The following DDX10 variants were observed in gnomAD, a reference collection of about 807,000 sequenced individuals.
DDX10 encodes the protein probable ATP-dependent RNA helicase DDX10.
Under a neutral mutation model 104.3 loss-of-function variants are expected in DDX10, and 74 were observed. That is an observed-to-expected ratio of 0.71 (90% confidence interval 0.59 to 0.86). The LOEUF (loss-of-function observed/expected upper bound fraction) is 0.86. DDX10 is among the 40% of genes least tolerant of loss of function. The pLI is 0.00. For missense variants in DDX10, 952 were observed against 1,040.0 expected (o/e 0.92, Z 1.16); for synonymous variants, 351 against 353.4 (o/e 0.99, Z 0.08).
rs149951065 is a variant in DDX10, at chr11:108,831,975, G to A, written c.1966-6471G>A. Among the ~76,000 whole-genome samples, 125 of 152,108 alleles carry A rather than the reference G, an allele frequency of 8.2e-4. 1 individual carries two copies. The highest frequency in any genetic ancestry group is 3.4e-3 in the Middle Eastern group (1 of 294). ...TTTAGCTTTTTAAAGTCTAGCATAC[G>A]TGTTGTAGAAGAGGTGCAAATAGAA... On this transcript the variant is annotated intron_variant, in intron 13 of 17. Coordinates refer to ENST00000322536, the MANE Select transcript of DDX10 (RefSeq NM_004398.4).
At chr11:108,759,274 C>T (rs1028467354) in intron 13 of DDX10, among the ~76,000 whole-genome samples, 2 of 151,850 alleles carry the variant, frequency 1.3e-5, no homozygotes, top group Admixed American at 1.3e-4. Context: ...TGTCATATAC[C>T]TATATGACCA....
chr11:108,809,714 T>G (rs2134566625), intron 13 of DDX10, among the ~76,000 whole-genome samples: 1 of 152,318 alleles, frequency 6.6e-6, no homozygotes, highest in South Asian at 2.1e-4. Flanking sequence ...CTAATGCATG[T>G]ATCCTCCACA....
intron 13 of DDX10, among the ~76,000 whole-genome samples, chr11:108,749,180 G>A (rs2094335436): frequency 6.6e-6 from 1 of 151,958 alleles, no homozygotes; most frequent in African/African-American, 2.4e-5. Flanking sequence ...GATTACAGGC[G>A]TGAATCATCG....
intron 16 of DDX10, among the ~76,000 whole-genome samples, chr11:108,881,612 A>C (rs1435558116): frequency 6.6e-6 from 1 of 152,162 alleles, no homozygotes; most frequent in Non-Finnish European, 1.5e-5. Flanking sequence ...TTCAGTATTC[A>C]GTGAATTACA....
rs542223059 is a variant in DDX10, at chr11:108,870,288, C to T, written c.2304+18079C>T. Among the ~76,000 whole-genome samples the T allele has an allele frequency of 6.6e-5, 10 of 152,230 alleles. No homozygotes were observed. The South Asian group carries it at 2.1e-3, about 32-fold the overall frequency. The stretch of plus-strand genomic sequence containing the variant: ...AGTCTGCTAGTCTTCTTTCTCTTAT[C>T]CTCCCACTCTTCTATCCCCAGTTTA... On this transcript the variant is annotated intron_variant, in intron 16 of 17. Coordinates refer to ENST00000322536, the MANE Select transcript of DDX10 (RefSeq NM_004398.4).
At chr11:108,849,023 T>C (rs1862757325) in intron 15 of DDX10, among the ~76,000 whole-genome samples, 1 of 152,180 alleles carries the variant, frequency 6.6e-6, no homozygotes, top group Non-Finnish European at 1.5e-5. Context: ...CTTGTTATAG[T>C]TGTTACAGAT....
At chr11:108,673,119 A>G (rs1168981677) in intron 1 of DDX10, among the ~76,000 whole-genome samples, 2 of 152,196 alleles carry the variant, frequency 1.3e-5, no homozygotes, top group African/African-American at 2.4e-5. Flanking sequence ...TTAAATTGAG[A>G]TCCCTTGAAG....
At chr11:108,711,538 G>C (rs999938351) in intron 10 of DDX10, among the ~76,000 whole-genome samples, 1 of 152,144 alleles carries the variant, frequency 6.6e-6, no homozygotes, top group African/African-American at 2.4e-5. Flanking sequence ...TCGCCATGTT[G>C]GCCAGGCTGG....
At chr11:108,678,463 A>G (rs1331325453) in intron 5 of DDX10, 28 bp downstream of exon 5, 1 of 1,556,966 alleles carries the variant, frequency 6.4e-7, no homozygotes, top group Middle Eastern at 1.7e-4. Context: ...CTAATTTAAA[A>G]AAAAAAAAAG....
At chr11:108,818,625 TTTCA>T (rs1862285622) in intron 13 of DDX10, among the ~76,000 whole-genome samples, 1 of 152,214 alleles carries the variant, frequency 6.6e-6, no homozygotes. Context: ...TTATTTAATG[TTTCA>T]TTTATTAGTG....
At chr11:108,683,058 T>C (rs1399608027) in intron 6 of DDX10, among the ~76,000 whole-genome samples, 1 of 152,180 alleles carries the variant, frequency 6.6e-6, no homozygotes, top group African/African-American at 2.4e-5. Flanking sequence ...TCTGGGGTTA[T>C]CCTATTTCTG....
intron 1 of DDX10, among the ~76,000 whole-genome samples, chr11:108,671,891 C>T (rs1356363429): frequency 6.6e-6 from 1 of 151,830 alleles, no homozygotes; most frequent in African/African-American, 2.4e-5. Flanking sequence ...AACCCCGTCT[C>T]TACTAAAAAT....
chr11:108,841,461 T>C lies in DDX10; in HGVS notation c.2232T>C (p.Ile744=). The C allele has an allele frequency of 6.2e-7, 1 of 1,613,758 alleles. No individual in the cohort carries two copies. The highest frequency in any genetic ancestry group is 8.5e-7 in the Non-Finnish European group (1 of 1,179,788). Residue 744 remains isoleucine (I), a synonymous_variant, in exon 15 of 18, where the codon ATT becomes ATC. Transcript: ENST00000322536. ...ACAAAGAAGAATATAGGAAAAAAATTAAGGCAAAGCATCGGGTAAGCTTTC... is the reference window on the plus strand; with the variant it reads ...ACAAAGAAGAATATAGGAAAAAAATCAAGGCAAAGCATCGGGTAAGCTTTC... ...KFDKEEYRKK[I]KAKHREKRLK...
In DDX10 at chr11:108,679,382, G is replaced by A. The variant is rs1275700749; in HGVS notation, c.670G>A (p.Ala224Thr). 9 of 1,593,840 alleles carry A rather than the reference G, an allele frequency of 5.6e-6. No individual in the cohort carries two copies. The highest frequency in any genetic ancestry group is 2.7e-5 in the African/African-American group (2 of 73,450). The part of the protein sequence containing the change: ...TDLQMLVLDE[A>T]DRILDMGFAD... ...TTTTCCTTTTTCAGTTCTTGATGAAGCAGATAGAATCTTGGATATGGGCTT... is the reference window on the plus strand; with the variant it reads ...TTTTCCTTTTTCAGTTCTTGATGAAACAGATAGAATCTTGGATATGGGCTT... Residue 224 changes from alanine to threonine, a missense_variant, in exon 6 of 18, where the codon GCA becomes ACA. Physicochemically the swap from Ala to Thr is moderately conservative, Grantham distance 58 (BLOSUM62 0). Coordinates refer to ENST00000322536, the MANE Select transcript of DDX10 (RefSeq NM_004398.4).
intron 16 of DDX10, among the ~76,000 whole-genome samples, chr11:108,893,749 T>C (rs1863405691): frequency 6.6e-6 from 1 of 152,072 alleles, no homozygotes. Flanking sequence ...ATGGAAATTC[T>C]TTTTGTCAGT....
At chr11:108,884,494 A>T (rs1050805443) in intron 16 of DDX10, among the ~76,000 whole-genome samples, 14 of 151,974 alleles carry the variant, frequency 9.2e-5, no homozygotes, top group Non-Finnish European at 1.9e-4. Context: ...ATTACCTGCT[A>T]ATTAATATTT....
At chr11:108,940,115 T>C (rs1349399181) in intron 17 of DDX10, 131 bp from the exon 18 acceptor site, 4 of 961,968 alleles carry the variant, frequency 4.2e-6, no homozygotes, top group East Asian at 2.6e-5. Flanking sequence ...TATACAGATA[T>C]CTTGATGTTG....
chr11:108,747,346 T>C (rs1481158381), intron 13 of DDX10, among the ~76,000 whole-genome samples: 5 of 152,200 alleles, frequency 3.3e-5, no homozygotes, highest in African/African-American at 1.2e-4. Flanking sequence ...GGAGCTTCTA[T>C]ATTAAAAAGA....
At chr11:108,743,444 A>G (rs570253523) in intron 13 of DDX10, among the ~76,000 whole-genome samples, 4 of 152,348 alleles carry the variant, frequency 2.6e-5, no homozygotes, top group African/African-American at 9.6e-5. Context: ...AAAGCTGGAC[A>G]CATTCCCCTT....
Sources: allele counts gnomAD v4.1 joint callset (sites outside exome capture counted in the v4.1 genomes callset), GRCh38; gene constraint gnomAD v4.1.1; transcripts MANE v1.5; gene names NCBI Gene and HGNC (gene_info 2026-07-23, HGNC 2026-07-21).